The following DIAPH3 variants were observed in gnomAD, a reference collection of about 807,000 sequenced individuals.
The protein encoded by DIAPH3 is diaphanous related formin 3.
In DIAPH3, 117 loss-of-function variants were observed where a neutral mutation model predicts 144.3. The ratio of observed to expected loss-of-function variants is 0.81; its 90% CI spans 0.70 to 0.95. The LOEUF is 0.95. DIAPH3 is among the 40% of genes least tolerant of loss of function. The pLI is 0.00. For synonymous variants in DIAPH3, 519 were observed against 488.9 expected, an observed-to-expected ratio of 1.06 and a Z score of -0.81; for missense variants, 1,421 against 1,412.7, an observed-to-expected ratio of 1.01 and a Z score of -0.09.
At chr13:59,851,818 C>G (rs2042990621) in intron 22 of DIAPH3, among the ~76,000 whole-genome samples, 1 of 152,096 alleles carries the variant, frequency 6.6e-6, no homozygotes, top group African/African-American at 2.4e-5. Flanking sequence ...CGGGGTTTCA[C>G]CATGTTGGCC....
At chr13:59,683,649 G>C (rs927039506) in intron 27 of DIAPH3, among the ~76,000 whole-genome samples, 1 of 152,106 alleles carries the variant, frequency 6.6e-6, no homozygotes, top group African/African-American at 2.4e-5. Flanking sequence ...AATTTGAAGA[G>C]CAGCATACGA....
chr13:59,783,075 G>C (rs2038831946), intron 25 of DIAPH3, among the ~76,000 whole-genome samples: 2 of 152,002 alleles, frequency 1.3e-5, no homozygotes, highest in African/African-American at 4.8e-5. Context: ...ACTTTAGAAA[G>C]AATATTTTGA....
intron 1 of DIAPH3, among the ~76,000 whole-genome samples, chr13:60,159,462 C>G (rs1486222675): frequency 1.3e-5 from 2 of 151,856 alleles, no homozygotes; most frequent in African/African-American, 4.8e-5. Context: ...CTCATCTCTA[C>G]TAAAAATACA....
chr13:59,807,333 C>T (rs2040249240), intron 25 of DIAPH3, among the ~76,000 whole-genome samples: 1 of 151,752 alleles, frequency 6.6e-6, no homozygotes, highest in Admixed American at 6.6e-5. Flanking sequence ...TTAAATCCCA[C>T]AGTCTGAAAA....
chr13:59,711,843 C>T (rs749922475), intron 27 of DIAPH3, among the ~76,000 whole-genome samples: 1 of 152,068 alleles, frequency 6.6e-6, no homozygotes, highest in Admixed American at 6.6e-5. Flanking sequence ...AATTGTTGCA[C>T]GAATAAATAA....
intron 20 of DIAPH3, among the ~76,000 whole-genome samples, chr13:59,896,155 A>T (rs2046081333): frequency 6.6e-6 from 1 of 152,166 alleles, no homozygotes; most frequent in Non-Finnish European, 1.5e-5. Context: ...CATGTGGAGG[A>T]GGTCTTGGTT....
chr13:60,121,565 G>A (rs1296994768), intron 2 of DIAPH3, among the ~76,000 whole-genome samples: 2 of 152,172 alleles, frequency 1.3e-5, no homozygotes, highest in East Asian at 1.9e-4. Context: ...GGAAGCTTTT[G>A]AAGTAAGAAG....
chr13:59,716,195 G>A (rs910147694), intron 27 of DIAPH3, among the ~76,000 whole-genome samples: 13 of 151,638 alleles, frequency 8.6e-5, no homozygotes, highest in African/African-American at 3.2e-4. Flanking sequence ...TTTTTTTTGA[G>A]AAAGACTCTT....
intron 5 of DIAPH3, among the ~76,000 whole-genome samples, chr13:60,039,258 G>C (rs1181267129): frequency 6.6e-6 from 1 of 151,840 alleles, no homozygotes; most frequent in East Asian, 1.9e-4. Context: ...AGCCAAGAGG[G>C]GAGAGCTAAT....
At chr13:60,099,522 A>G (rs995764309) in intron 3 of DIAPH3, among the ~76,000 whole-genome samples, 1 of 152,168 alleles carries the variant, frequency 6.6e-6, no homozygotes, top group African/African-American at 2.4e-5. Flanking sequence ...CCCACGTCAC[A>G]AGAGAGTGTC....
chr13:60,085,484 G>C (rs766685469), intron 4 of DIAPH3, among the ~76,000 whole-genome samples: 1 of 152,044 alleles, frequency 6.6e-6, no homozygotes, highest in Non-Finnish European at 1.5e-5. Flanking sequence ...CACCAGGAGG[G>C]CTTTACTCAA....
At chr13:59,807,172 T>C (rs934401563) in intron 25 of DIAPH3, among the ~76,000 whole-genome samples, 1 of 150,638 alleles carries the variant, frequency 6.6e-6, no homozygotes, top group Non-Finnish European at 1.5e-5. Flanking sequence ...AAATGCTTTG[T>C]TCTTCTACAT....
intron 24 of DIAPH3, among the ~76,000 whole-genome samples, chr13:59,830,694 T>A (rs908318018): frequency 6.6e-6 from 1 of 151,914 alleles, no homozygotes; most frequent in Non-Finnish European, 1.5e-5. Context: ...CTCTATTATA[T>A]GCATAACTGC....
At chr13:60,014,969 T>TTTTTTG (rs1555357126) in intron 7 of DIAPH3, among the ~76,000 whole-genome samples, 1 of 147,000 alleles carries the variant, frequency 6.8e-6, no homozygotes, top group East Asian at 2.0e-4. Context: ...TTTTCTAGTT[T>TTTTTTG]TTTTGTTTTG....
At chr13:59,939,426 T>C (rs1362888811) in intron 17 of DIAPH3, among the ~76,000 whole-genome samples, 6 of 152,170 alleles carry the variant, frequency 3.9e-5, no homozygotes. Flanking sequence ...TAGTAGCCCA[T>C]ATCAATTACT....
chr13:60,035,755 AACCT>A (rs1476627097), intron 5 of DIAPH3, among the ~76,000 whole-genome samples: 2 of 152,342 alleles, frequency 1.3e-5, no homozygotes, highest in East Asian at 3.9e-4. Context: ...CAATATTAAT[AACCT>A]ACCTAATACT....
intron 20 of DIAPH3, among the ~76,000 whole-genome samples, chr13:59,892,053 G>A (rs530843200): frequency 9.2e-5 from 14 of 151,780 alleles, no homozygotes; most frequent in African/African-American, 1.4e-4. Context: ...ACAAGAACCT[G>A]GTGCACATGG....
intron 20 of DIAPH3, among the ~76,000 whole-genome samples, chr13:59,896,831 A>C (rs2046128978): frequency 6.6e-6 from 1 of 152,166 alleles, no homozygotes; most frequent in African/African-American, 2.4e-5. Context: ...ATACTCTTGA[A>C]ACCCACTGTG....
At chr13:60,031,196 T>C (rs1241879543) in intron 5 of DIAPH3, among the ~76,000 whole-genome samples, 1 of 152,018 alleles carries the variant, frequency 6.6e-6, no homozygotes, top group Non-Finnish European at 1.5e-5. Context: ...GCATGTCACA[T>C]GGCCAGAGCC....
Sources: gnomAD v4.1 joint callset for allele counts (sites outside exome capture counted in the v4.1 genomes callset) on GRCh38, gnomAD v4.1.1 for gene constraint, MANE v1.5 for transcripts, NCBI Gene and HGNC (gene_info 2026-07-23, HGNC 2026-07-21) for gene names.